CPNE4: variants seen among roughly 807,000 people sequenced by gnomAD.
The protein encoded by CPNE4 is copine 4, also known as copine-4.
A neutral mutation model predicts 67.9 loss-of-function variants in CPNE4; 25 were observed. That is an observed-to-expected ratio of 0.37 (90% CI 0.27 to 0.51). The LOEUF (loss-of-function observed/expected upper bound fraction) is 0.51, where lower values mean the gene tolerates loss of function less well. CPNE4 is among the 20% of genes least tolerant of loss of function. CPNE4 has a pLI of 0.93. For synonymous variants in CPNE4, 242 were observed against 244.9 expected, an observed-to-expected ratio of 0.99 and a Z score of 0.11; for missense variants, 464 against 690.8, an observed-to-expected ratio of 0.67 and a Z score of 3.68.
chr3:131,792,701 ACACACACG>A (rs2083790495), intron 2 of CPNE4, among the ~76,000 whole-genome samples: 2 of 77,798 alleles, frequency 2.6e-5, no homozygotes, highest in Non-Finnish European at 5.0e-5. Context: ...ATATACATAT[ACACACACG>A]TGTATATATG....
chr3:131,998,725 A>C (rs1463262734), intron 1 of CPNE4, among the ~76,000 whole-genome samples: 1 of 148,968 alleles, frequency 6.7e-6, no homozygotes, highest in Non-Finnish European at 1.5e-5. Flanking sequence ...AAATGAAAAG[A>C]TGGGTAAGGT....
intron 2 of CPNE4, among the ~76,000 whole-genome samples, chr3:131,755,837 G>T (rs559510152): frequency 1.3e-5 from 2 of 152,262 alleles, no homozygotes; most frequent in South Asian, 4.2e-4. Flanking sequence ...AACTCTCAGG[G>T]TTGCTAGTAT....
At chr3:132,027,505 A>T (rs557374068) in intron 1 of CPNE4, among the ~76,000 whole-genome samples, 102 of 94,408 alleles carry the variant, frequency 1.1e-3, no homozygotes, top group Middle Eastern at 0.01. Context: ...TTTTCCTCTT[A>T]TCGTGCCTTT....
chr3:131,948,342 C>T (rs1216178760), intron 1 of CPNE4, among the ~76,000 whole-genome samples: 3 of 152,190 alleles, frequency 2.0e-5, no homozygotes, highest in South Asian at 2.1e-4. Flanking sequence ...CTTGCACTCA[C>T]TCTGTCCTGC....
chr3:131,588,072 T>G (rs548465875), intron 7 of CPNE4, among the ~76,000 whole-genome samples: 3 of 151,500 alleles, frequency 2.0e-5, no homozygotes, highest in Non-Finnish European at 4.4e-5. Flanking sequence ...TTTTCTATTT[T>G]TTTTTCTGAA....
At chr3:131,867,473 T>C (rs1427500723) in intron 2 of CPNE4, among the ~76,000 whole-genome samples, 1 of 152,162 alleles carries the variant, frequency 6.6e-6, no homozygotes, top group Admixed American at 6.5e-5. Context: ...AGAGGCAATG[T>C]TGAATGAGCC....
intron 2 of CPNE4, among the ~76,000 whole-genome samples, chr3:131,781,588 G>C (rs1030244946): frequency 2.5e-4 from 38 of 152,062 alleles, no homozygotes; most frequent in African/African-American, 8.2e-4. Context: ...ATATGTAGAC[G>C]AGTTCAAACT....
chr3:132,001,036 A>G (rs184815556), intron 1 of CPNE4, among the ~76,000 whole-genome samples: 1 of 152,146 alleles, frequency 6.6e-6, no homozygotes, highest in Admixed American at 6.6e-5. Context: ...AGTCAAGACC[A>G]TGTCAAAACA....
chr3:131,694,215 GTTTA>G lies in CPNE4; in HGVS notation c.507+2323_507+2326del, dbSNP rs2081096826. ...AACATAATAAAAAATTAGGAGCATT[GTTTA>G]TTTTATAGTGACTTTTAGTCATACA... is the stretch of plus-strand genomic sequence containing the variant. On this transcript the variant is annotated intron_variant, in intron 5 of 15. Coordinates refer to ENST00000429747, the MANE Select transcript of CPNE4 (RefSeq NM_130808.3). Among the ~76,000 whole-genome samples the G allele has an allele frequency of 2.6e-5, 4 of 151,996 alleles. No homozygotes were observed. The South Asian group carries it at 8.3e-4, about 32-fold the overall frequency.
At chr3:131,682,840 C>T (rs1372864371) in intron 6 of CPNE4, among the ~76,000 whole-genome samples, 1 of 151,988 alleles carries the variant, frequency 6.6e-6, no homozygotes, top group Non-Finnish European at 1.5e-5. Context: ...GAGCTAGTAC[C>T]CAAGCCATAA....
At chr3:131,592,619 G>GTATA (rs1389777966) in intron 7 of CPNE4, among the ~76,000 whole-genome samples, 1 of 149,044 alleles carries the variant, frequency 6.7e-6, no homozygotes, top group East Asian at 1.9e-4. Flanking sequence ...ATATATATGT[G>GTATA]TGTGTATATA....
At chr3:131,938,857 T>C (rs548713768) in intron 1 of CPNE4, among the ~76,000 whole-genome samples, 1 of 152,256 alleles carries the variant, frequency 6.6e-6, no homozygotes, top group South Asian at 2.1e-4. Flanking sequence ...TCAAAGGGCA[T>C]ATCACTCAAG....
chr3:131,889,035 T>A (rs897284684), intron 2 of CPNE4, among the ~76,000 whole-genome samples: 2 of 152,224 alleles, frequency 1.3e-5, no homozygotes, highest in Non-Finnish European at 2.9e-5. Context: ...ACTACTCACA[T>A]TAGTTTTACA....
intron 3 of CPNE4, among the ~76,000 whole-genome samples, 154 bp from the exon 4 acceptor site, chr3:131,700,134 C>T (rs951976382): frequency 7.1e-6 from 1 of 141,328 alleles, no homozygotes; most frequent in Non-Finnish European, 1.5e-5. Flanking sequence ...GTCAATGAGC[C>T]TCTCCTAATA....
chr3:131,676,029 C>CTATTATTATTATTAT (rs34007329), intron 6 of CPNE4, among the ~76,000 whole-genome samples: 304 of 138,494 alleles, frequency 2.2e-3, no homozygotes, highest in Non-Finnish European at 2.9e-3. Flanking sequence ...ATGTTATAAC[C>CTATTATTATTATTAT]TATTATTATT....
intron 1 of CPNE4, among the ~76,000 whole-genome samples, chr3:132,014,890 A>T (rs2073855329): frequency 6.6e-6 from 1 of 152,190 alleles, no homozygotes; most frequent in African/African-American, 2.4e-5. Flanking sequence ...AATATTTTAA[A>T]ATGGATCCTA....
chr3:131,819,092 T>G (rs922227463), intron 2 of CPNE4, among the ~76,000 whole-genome samples: 8 of 152,120 alleles, frequency 5.3e-5, no homozygotes, highest in Admixed American at 3.3e-4. Context: ...AGAGCAAGAC[T>G]CCATCTCAAA....
intron 15 of CPNE4, among the ~76,000 whole-genome samples, chr3:131,541,585 T>A (rs528098947): frequency 6.6e-6 from 1 of 152,230 alleles, no homozygotes; most frequent in South Asian, 2.1e-4. Context: ...TTTTTTTTTT[T>A]TTTTTACCCT....
chr3:131,654,089 G>C (rs2079886324), intron 7 of CPNE4, among the ~76,000 whole-genome samples: 1 of 152,086 alleles, frequency 6.6e-6, no homozygotes, highest in African/African-American at 2.4e-5. Context: ...GGTCTGAGGT[G>C]GGGTCTAGGT....
Sources: allele counts gnomAD v4.1 joint callset (sites outside exome capture counted in the v4.1 genomes callset), GRCh38; gene constraint gnomAD v4.1.1; transcripts MANE v1.5; gene names NCBI Gene and HGNC (gene_info 2026-07-23, HGNC 2026-07-21).